ZNF479: variants seen among roughly 807,000 people sequenced by gnomAD.
ZNF479 encodes the protein zinc finger protein 479.
Under a neutral mutation model 14.7 loss-of-function variants are expected in ZNF479, and 15 were observed. The ratio of observed to expected loss-of-function variants is 1.02; its 90% CI spans 0.68 to 1.57. The LOEUF is 1.57. Ranked by LOEUF, ZNF479 falls within the 40% of genes most tolerant of loss-of-function variation. The probability of loss-of-function intolerance (pLI) is 0.00; values close to 1 mark genes in which losing one functional copy is unlikely to be tolerated. For missense variants in ZNF479, 506 were observed against 615.1 expected, an observed-to-expected ratio of 0.82 and a Z score of 1.88; for synonymous variants, 145 against 211.5, an observed-to-expected ratio of 0.69 and a Z score of 2.73.
chr7:57,138,566 C>T (rs35417615), intron 1 of ZNF479, among the ~76,000 whole-genome samples: 43,263 of 151,868 alleles, frequency 0.28, 7,079 homozygotes, highest in East Asian at 0.53. Context: ...ACAGGCGCAG[C>T]GATGACTCTT....
chr7:57,139,614 C>T (rs560206199), exon 1 of ZNF479: 1 of 152,254 alleles, frequency 6.6e-6, no homozygotes, highest in Admixed American at 6.5e-5. Context: ...ATACCTGGGC[C>T]ATGCAGTATA....
chr7:57,132,892 C>T (rs1786499322), upstream of ZNF479, among the ~76,000 whole-genome samples: 1 of 152,136 alleles, frequency 6.6e-6, no homozygotes, highest in Admixed American at 6.5e-5. Context: ...AATCCCAGCA[C>T]TTTGGGAGGC....
Position 57,137,445 on chromosome 7 carries a change from G to A in ZNF479, c.-15+2163C>T, listed in dbSNP as rs531129408. ...CTCCCAAAGTGCTACGATTACAGGCGTGAGCCACCACACCTGGCCCTAAAG... is the reference window on the plus strand; with the variant it reads ...CTCCCAAAGTGCTACGATTACAGGCATGAGCCACCACACCTGGCCCTAAAG... On this transcript the variant is annotated intron_variant, in intron 1 of 4. Coordinates refer to the ZNF479 transcript ENST00000331162. 5.3e-5 allele frequency among the ~76,000 whole-genome samples: 8 copies of A among 152,076 alleles called. No individual in the cohort carries two copies. The East Asian group carries it at 5.8e-4, about 11-fold the overall frequency.
upstream of ZNF479, among the ~76,000 whole-genome samples, chr7:57,133,627 G>A (rs1272807631): frequency 6.6e-6 from 1 of 152,200 alleles, no homozygotes; most frequent in Non-Finnish European, 1.5e-5. Flanking sequence ...AGCACTTTGA[G>A]AGGCCGAGGT....
At chr7:57,126,956 A>G (rs951537117) in intron 1 of ZNF479, among the ~76,000 whole-genome samples, 5 of 151,818 alleles carry the variant, frequency 3.3e-5, no homozygotes, top group African/African-American at 1.2e-4. Context: ...ACTTTTCTGG[A>G]TGATACATTA....
chr7:57,120,771 C>A lies in ZNF479; in HGVS notation c.644G>T (p.Cys215Phe), dbSNP rs1554400330. 3.1e-6 allele frequency: 5 copies of A among 1,612,618 alleles called. No homozygotes were observed. Among genetic ancestry groups the A allele is most frequent in the Non-Finnish European group, 3.4e-6 (4 of 1,179,276 alleles). ...VIHTREKSYK[C>F]KECGKSFNCS... ...GTTAAAGGATTTGCCACATTCTTTG[C>A]ATTTGTAGGACTTCTCCCTAGTATG... The change falls in exon 4 of 4, where the codon TGC (cysteine) becomes TTC (phenylalanine). Residue 215 changes from cysteine to phenylalanine, a missense_variant. Physicochemically the swap from Cys to Phe is radical, Grantham distance 205. Coordinates refer to ENST00000319636, the MANE Select transcript of ZNF479 (RefSeq NM_001370129.2).
chr7:57,132,765 G>T (rs1786493193), upstream of ZNF479, among the ~76,000 whole-genome samples: 1 of 152,128 alleles, frequency 6.6e-6, no homozygotes, highest in African/African-American at 2.4e-5. Flanking sequence ...TAAAATGTAG[G>T]ATTTTATGAC....
chr7:57,139,646 G>C (rs1786795548), exon 1 of ZNF479: 1 of 152,198 alleles, frequency 6.6e-6, no homozygotes, highest in Admixed American at 6.5e-5. Flanking sequence ...TTCTGCATGA[G>C]AGCTGTCCTC....
At position 57,132,430 on chromosome 7, in the gene ZNF479, C is replaced by T; in HGVS notation, c.-106G>A. 3.8e-6 allele frequency: 6 copies of T among 1,568,494 alleles called. No homozygotes were observed. In the South Asian group the frequency reaches 5.6e-5, roughly 15 times the overall value. The stretch of plus-strand genomic sequence containing the variant: ...AACTGCAGCTCTGGACGCAGAGAAA[C>T]ACAAAGGACCCGCAAAATTACGGAA... On this transcript the variant is annotated 5_prime_UTR_variant, in exon 1 of 4. Coordinates refer to ENST00000319636, the MANE Select transcript of ZNF479 (RefSeq NM_001370129.2).
intron 3 of ZNF479, among the ~76,000 whole-genome samples, chr7:57,123,367 A>T (rs572226663): frequency 1.1e-3 from 163 of 152,180 alleles, no homozygotes; most frequent in Non-Finnish European, 6.0e-4. Context: ...TTAGGCCCCA[A>T]TCCAACAGTG....
chr7:57,123,296 C>G (rs1167246409), intron 3 of ZNF479, among the ~76,000 whole-genome samples: 1 of 152,180 alleles, frequency 6.6e-6, no homozygotes, highest in Non-Finnish European at 1.5e-5. Context: ...AGAGTGAGAA[C>G]TCTATGATTG....
chr7:57,119,840 T>G lies in ZNF479; in HGVS notation c.1575A>C (p.Ter525TyrextTer10), dbSNP rs781888926. 6.2e-7 allele frequency: 1 copy of G among 1,612,254 alleles called. No individual in the cohort carries two copies. Among genetic ancestry groups the G allele is most frequent in the Non-Finnish European group, 8.5e-7 (1 of 1,178,968 alleles). Residue 525 changes from the stop codon to tyrosine, a stop_lost, in exon 4 of 4, where the codon TAA becomes TAC. Coordinates refer to ENST00000319636, the MANE Select transcript of ZNF479 (RefSeq NM_001370129.2). ...AGGCCTGAGGGTGGACTTTGCCATATTATTCACATTTGTAGGGTTTCTCTC... is the reference window on the plus strand; with the variant it reads ...AGGCCTGAGGGTGGACTTTGCCATAGTATTCACATTTGTAGGGTTTCTCTC... ...HTGEKPYKCE[*>Y]
At chr7:57,121,451 T>C (rs1785947076) in intron 3 of ZNF479, among the ~76,000 whole-genome samples, 1 of 152,202 alleles carries the variant, frequency 6.6e-6, no homozygotes, top group African/African-American at 2.4e-5. Context: ...TCATGCCCAG[T>C]AGAAGAACAT....
upstream of ZNF479, among the ~76,000 whole-genome samples, chr7:57,137,244 T>C (rs936038119): frequency 6.6e-6 from 1 of 152,212 alleles, no homozygotes; most frequent in Non-Finnish European, 1.5e-5. Flanking sequence ...CAAGAAATTC[T>C]CCTGCCACAG....
At chr7:57,128,643 TGAAGA>T (rs559187615) in intron 1 of ZNF479, among the ~76,000 whole-genome samples, 16 of 152,292 alleles carry the variant, frequency 1.1e-4, no homozygotes, top group African/African-American at 3.6e-4. Context: ...GAATCCAAGA[TGAAGA>T]GAAATGTATA....
chr7:57,120,477 G>A lies in ZNF479; in HGVS notation c.938C>T (p.Thr313Ile). 1 of 1,611,008 alleles carries A rather than the reference G, an allele frequency of 6.2e-7. No individual in the cohort carries two copies. The highest frequency in any genetic ancestry group is 8.5e-7 in the Non-Finnish European group (1 of 1,179,202). ...GKAFSVSSTL[T>I]DHKRIHTGEK... is the part of the protein sequence containing the mutation. ...TCCAGTATGAATTCTCTTGTGGTCA[G>A]TGAGGGTTGAGGATACGCTAAAGGC... The change falls in exon 4 of 4, where the codon ACT (threonine) becomes ATT (isoleucine). Residue 313 changes from threonine to isoleucine, a missense_variant. Around this residue, in one of 3 missense-constraint regions of ZNF479, gnomAD observed 420 missense variants for 474.2 expected, o/e 0.89. Coordinates refer to ENST00000319636, the MANE Select transcript of ZNF479 (RefSeq NM_001370129.2).
At chr7:57,132,536 AC>A (rs765487744), upstream of ZNF479, among the ~76,000 whole-genome samples, 76 of 152,128 alleles carry the variant, frequency 5.0e-4, no homozygotes, top group Non-Finnish European at 9.0e-4. Flanking sequence ...TTCAGGCCCC[AC>A]CCTTCATGCC....
intron 3 of ZNF479, among the ~76,000 whole-genome samples, chr7:57,125,159 A>T (rs1352446305): frequency 6.6e-6 from 1 of 152,230 alleles, no homozygotes; most frequent in African/African-American, 2.4e-5. Context: ...GGTTGCACAA[A>T]ATTAATAATT....
At chr7:57,132,188 G>A (rs1786460072) in intron 1 of ZNF479, 98 bp downstream of exon 1, 1 of 1,606,960 alleles carries the variant, frequency 6.2e-7, no homozygotes, top group Admixed American at 1.7e-5. Flanking sequence ...GCAGGCCCTG[G>A]AACTGACTGC....
Sources: allele counts gnomAD v4.1 joint callset (sites outside exome capture counted in the v4.1 genomes callset), GRCh38; gene constraint gnomAD v4.1.1; regional missense constraint gnomAD v4.1.1; transcripts MANE v1.5; gene names NCBI Gene and HGNC (gene_info 2026-07-23, HGNC 2026-07-21).